Variants in RFX6 observed in about 807,000 individuals in gnomAD.
The protein encoded by RFX6 is regulatory factor X6.
In RFX6, 50 loss-of-function variants were observed where a neutral mutation model predicts 110.8. The ratio of observed to expected loss-of-function variants is 0.45; its 90% CI spans 0.36 to 0.57. The LOEUF (loss-of-function observed/expected upper bound fraction) is 0.57. Ranked by LOEUF, RFX6 falls within the 20% of genes least tolerant of loss-of-function variation. The probability of loss-of-function intolerance (pLI) is 0.00; values close to 1 mark genes in which losing one functional copy is unlikely to be tolerated. For missense variants in RFX6, 990 were observed against 1,127.0 expected, an observed-to-expected ratio of 0.88 and a Z score of 1.74; for synonymous variants, 383 against 411.2, an observed-to-expected ratio of 0.93 and a Z score of 0.83.
intron 4 of RFX6, among the ~76,000 whole-genome samples, chr6:116,888,532 A>G (rs1158814894): frequency 7.2e-5 from 11 of 152,194 alleles, no homozygotes; most frequent in Non-Finnish European, 1.6e-4. Flanking sequence ...TTAGCTAATC[A>G]TCCCCAGGAT....
At chr6:116,894,202 T>A in intron 5 of RFX6, 138 bp downstream of exon 5, 1 of 673,660 alleles carries the variant, frequency 1.5e-6, no homozygotes, top group Non-Finnish European at 2.7e-6. Context: ...CCGCTTTGTA[T>A]GGATGATTAT....
Position 116,891,573 on chromosome 6 carries a change from A to C in RFX6, c.567-2414A>C, listed in dbSNP as rs574727197. ...CCATTCTAATGGATCTCTGTTTTCA[A>C]ACATTATTTGATTTATTTCTTCTAA... On this transcript the variant is annotated intron_variant, in intron 4 of 18. Coordinates refer to ENST00000332958, the MANE Select transcript of RFX6 (RefSeq NM_173560.4). Among the ~76,000 whole-genome samples the C allele has an allele frequency of 2.0e-5, 3 of 152,348 alleles. No homozygotes were observed. The East Asian group carries it at 5.8e-4, about 29-fold the overall frequency.
At chr6:116,910,807 C>A (rs1775332612) in intron 6 of RFX6, 128 bp from the exon 7 acceptor site, 2 of 745,690 alleles carry the variant, frequency 2.7e-6, no homozygotes, top group Non-Finnish European at 4.8e-6. Context: ...CTACTCAAAT[C>A]TCGTAAATTC....
chr6:116,916,809 A>G (rs540790296), intron 9 of RFX6, among the ~76,000 whole-genome samples: 1 of 152,228 alleles, frequency 6.6e-6, no homozygotes, highest in East Asian at 1.9e-4. Flanking sequence ...AAGACATCCT[A>G]AATAAGGACA....
intron 4 of RFX6, among the ~76,000 whole-genome samples, chr6:116,889,307 A>T (rs1774769272): frequency 6.6e-6 from 1 of 152,198 alleles, no homozygotes; most frequent in South Asian, 2.1e-4. Flanking sequence ...ACATTGATTT[A>T]ACCAGTAAAT....
intron 15 of RFX6, 31 bp downstream of exon 15, chr6:116,924,822 A>G (rs1341602191): frequency 6.7e-7 from 1 of 1,482,930 alleles, no homozygotes; most frequent in African/African-American, 1.4e-5. Context: ...TGTTTTGCAT[A>G]TTTCTTTGTT....
intron 6 of RFX6, among the ~76,000 whole-genome samples, chr6:116,910,374 G>A (rs1425106191): frequency 6.6e-6 from 1 of 152,164 alleles, no homozygotes; most frequent in African/African-American, 2.4e-5. Context: ...CAAGAGATGT[G>A]AAAGAACAAC....
Position 116,893,417 on chromosome 6 carries a change from CAT to C in RFX6, c.567-569_567-568del, listed in dbSNP as rs376459015. On this transcript the variant is annotated intron_variant, in intron 4 of 18. Transcript: ENST00000332958. ...TTATCTACAGCACTGTTACTTTCCA[CAT>C]GTCATTTTCATTGATTTGCAACATA... Among the ~76,000 whole-genome samples, 7 of 152,340 alleles carry C rather than the reference CAT, an allele frequency of 4.6e-5. No homozygotes were observed. The East Asian group carries it at 1.2e-3, about 25-fold the overall frequency.
At chr6:116,902,328 T>C (rs184684275) in intron 6 of RFX6, among the ~76,000 whole-genome samples, 24 of 152,000 alleles carry the variant, frequency 1.6e-4, no homozygotes, top group African/African-American at 3.9e-4. Context: ...CTATATCTTT[T>C]AAAAAGTTTT....
intron 6 of RFX6, among the ~76,000 whole-genome samples, chr6:116,896,707 C>CA (rs5879392): frequency 2.3e-4 from 34 of 149,434 alleles, no homozygotes; most frequent in East Asian, 5.9e-4. Flanking sequence ...GACCCTATCT[C>CA]AAAAAAAAAA....
intron 6 of RFX6, 77 bp downstream of exon 6, chr6:116,895,284 C>T: frequency 1.2e-6 from 1 of 801,758 alleles, no homozygotes; most frequent in Non-Finnish European, 2.1e-6. Flanking sequence ...TTAATTATTC[C>T]CTTTGGCAAA....
chr6:116,926,843 T>C (rs964760888), intron 16 of RFX6, among the ~76,000 whole-genome samples, 184 bp from the exon 17 acceptor site: 5 of 152,194 alleles, frequency 3.3e-5, no homozygotes, highest in African/African-American at 1.2e-4. Context: ...GATATATACA[T>C]GTGTTGTGAT....
intron 6 of RFX6, among the ~76,000 whole-genome samples, chr6:116,907,942 T>C (rs931705582): frequency 6.6e-6 from 1 of 152,140 alleles, no homozygotes; most frequent in African/African-American, 2.4e-5. Flanking sequence ...TGTTATTAGG[T>C]ACATGTACAT....
intron 7 of RFX6, among the ~76,000 whole-genome samples, chr6:116,913,708 A>C (rs956926904): frequency 6.6e-6 from 1 of 152,264 alleles, no homozygotes; most frequent in Non-Finnish European, 1.5e-5. Flanking sequence ...TATATAAAGC[A>C]ATAAATTTTG....
chr6:116,911,361 T>C (rs1052601876), intron 7 of RFX6, among the ~76,000 whole-genome samples: 1 of 152,142 alleles, frequency 6.6e-6, no homozygotes, highest in Non-Finnish European at 1.5e-5. Context: ...CAGTTAAAAG[T>C]TTTATGTTTT....
chr6:116,893,843 C>G (rs1774881813), intron 4 of RFX6, 144 bp from the exon 5 acceptor site: 1 of 688,600 alleles, frequency 1.5e-6, no homozygotes, highest in African/African-American at 1.8e-5. Flanking sequence ...CATTAAGATG[C>G]TGCCTACCTG....
intron 4 of RFX6, among the ~76,000 whole-genome samples, chr6:116,887,210 C>T (rs187719885): frequency 3.3e-4 from 50 of 152,194 alleles, no homozygotes; most frequent in African/African-American, 1.2e-3. Flanking sequence ...GCAAGTTCAA[C>T]ATTCCACATC....
chr6:116,928,911 C>T lies in RFX6; in HGVS notation c.2551C>T (p.Gln851Ter). ...LNILDDSGRK[Q>*]TSSFYTDTSS... ...CATTTTAGATGACAGTGGTAGAAAA[C>T]AGACCAGCTCGTTTTACACAGACAC... The change falls in exon 18 of 19, where the codon CAG (glutamine) becomes TAG (stop). Residue 851 changes from glutamine to a stop codon, truncating the protein, a stop_gained. Coordinates refer to ENST00000332958, the MANE Select transcript of RFX6 (RefSeq NM_173560.4). LOFTEE classifies it high-confidence loss of function. 1 of 1,613,922 alleles carries T rather than the reference C, an allele frequency of 6.2e-7. No homozygotes were observed.
intron 4 of RFX6, among the ~76,000 whole-genome samples, chr6:116,889,724 C>T (rs1292132119): frequency 6.6e-6 from 1 of 151,978 alleles, no homozygotes; most frequent in Non-Finnish European, 1.5e-5. Context: ...TAGTAGACTT[C>T]CTTACATCAT....
Sources: gnomAD v4.1 joint callset for allele counts (sites outside exome capture counted in the v4.1 genomes callset) on GRCh38, gnomAD v4.1.1 for gene constraint, MANE v1.5 for transcripts, NCBI Gene and HGNC (gene_info 2026-07-23, HGNC 2026-07-21) for gene names.